The following OPRPN variants were observed in gnomAD, a reference collection of about 807,000 sequenced individuals.
OPRPN encodes the protein opiorphin prepropeptide, also known as basic proline-rich lacrimal protein.
OPRPN carries 1 observed loss-of-function variant against 2.2 expected under a neutral mutation model. That is an observed-to-expected ratio of 0.45 (90% CI 0.16 to 2.15). The LOEUF is 2.15. OPRPN is among the 30% of genes most tolerant of loss of function. OPRPN has a pLI of 0.28. For missense variants in OPRPN, 306 were observed against 297.3 expected (o/e 1.03, Z -0.21); for synonymous variants, 126 against 111.5 (o/e 1.13, Z -0.82).
At chr4:70,399,711 A>C (rs114703529) in intron 2 of OPRPN, 3,565 of 158,242 alleles carry the variant, frequency 0.023, 46 homozygotes, top group Non-Finnish European at 0.03. Context: ...GAAAGCATAC[A>C]GTTGGAGCTT....
At position 70,409,950 on chromosome 4, in the gene OPRPN, C is replaced by G. The variant is rs771601540; in HGVS notation, c.622C>G (p.Leu208Val). 1 of 1,614,052 alleles carries G rather than the reference C, an allele frequency of 6.2e-7. No homozygotes were observed. Among genetic ancestry groups the G allele is most frequent in the Non-Finnish European group, 8.5e-7 (1 of 1,179,918 alleles). The change falls in exon 3 of 3, where the codon CTC (leucine) becomes GTC (valine). Residue 208 changes from leucine to valine, a missense_variant. Coordinates refer to ENST00000399575, the MANE Select transcript of OPRPN (RefSeq NM_021225.5). ...AASTENTTQI[L>V]ANRPHTVLLN... The stretch of plus-strand genomic sequence containing the variant: ...ATCTACTGAAAATACTACTCAAATT[C>G]TCGCCAACCGTCCTCACACAGTATT...
At chr4:70,406,830 A>T (rs6827846) in intron 2 of OPRPN, among the ~76,000 whole-genome samples, 2 of 152,028 alleles carry the variant, frequency 1.3e-5, no homozygotes, top group Non-Finnish European at 2.9e-5. Context: ...AGTTTGCTGC[A>T]CCAGTTCTAA....
chr4:70,405,456 GT>G (rs1300165103), intron 2 of OPRPN, among the ~76,000 whole-genome samples: 1 of 152,058 alleles, frequency 6.6e-6, no homozygotes, highest in Non-Finnish European at 1.5e-5. Flanking sequence ...TACCATCTGG[GT>G]TTCCTCCTGT....
chr4:70,405,061 C>T (rs1272019028), intron 2 of OPRPN, among the ~76,000 whole-genome samples: 7 of 152,198 alleles, frequency 4.6e-5, no homozygotes, highest in Admixed American at 3.3e-4. Flanking sequence ...TTAATCTCTC[C>T]AGAAATCCAG....
intron 1 of OPRPN, 26 bp from the exon 2 acceptor site, chr4:70,399,245 G>A (rs1347050340): frequency 2.6e-6 from 4 of 1,537,814 alleles, no homozygotes; most frequent in Middle Eastern, 1.8e-4. Context: ...TTGGCTAACT[G>A]TGGATAATCT....
rs371748942 is a variant in OPRPN, at chr4:70,401,557, TATTTGGG to T, written c.51+2224_51+2230del. On this transcript the variant is annotated intron_variant, in intron 2 of 2. Coordinates refer to ENST00000399575, the MANE Select transcript of OPRPN (RefSeq NM_021225.5). ...TCAAACCTCACAAAAACCCAGGAAC[TATTTGGG>T]ATGCTCCTTTACATAGCACAGAGCT... Among the ~76,000 whole-genome samples, 520 of 152,214 alleles carry T rather than the reference TATTTGGG, an allele frequency of 3.4e-3. 5 individuals are homozygous for T. Among genetic ancestry groups the T allele is most frequent in the African/African-American group, 0.012 (490 of 41,556 alleles).
chr4:70,404,329 TCTC>T (rs1306073972), intron 2 of OPRPN, among the ~76,000 whole-genome samples: 1 of 152,086 alleles, frequency 6.6e-6, no homozygotes, highest in African/African-American at 2.4e-5. Context: ...TCCAGACACA[TCTC>T]CTCTTCCTGA....
chr4:70,401,557 T>C (rs752780192), intron 2 of OPRPN, among the ~76,000 whole-genome samples: 1 of 152,098 alleles, frequency 6.6e-6, no homozygotes, highest in Non-Finnish European at 1.5e-5. Flanking sequence ...ACCCAGGAAC[T>C]ATTTGGGATG....
intron 2 of OPRPN, among the ~76,000 whole-genome samples, chr4:70,406,242 C>T (rs906979758): frequency 6.6e-6 from 1 of 152,144 alleles, no homozygotes; most frequent in Non-Finnish European, 1.5e-5. Flanking sequence ...TAACTTACTT[C>T]GAATTCCTCA....
Position 70,409,803 on chromosome 4 carries a change from A to C in OPRPN, c.475A>C (p.Thr159Pro), listed in dbSNP as rs1733182339. 3 of 1,612,726 alleles carry C rather than the reference A, an allele frequency of 1.9e-6. No homozygotes were observed. In the South Asian group the frequency reaches 3.3e-5, roughly 18 times the overall value. ...ADTTITTNPP[T>P]TATATTSTST... ...TACAACAATCACCACAAATCCCCCCACCACTGCAACAGCAACCACCAGCAC... is the reference window on the plus strand; with the variant it reads ...TACAACAATCACCACAAATCCCCCCCCCACTGCAACAGCAACCACCAGCAC... Residue 159 changes from threonine (T) to proline (P), a missense_variant, in exon 3 of 3, where the codon ACC becomes CCC. Physicochemically the swap from Thr to Pro is conservative, Grantham distance 38. Coordinates refer to ENST00000399575, the MANE Select transcript of OPRPN (RefSeq NM_021225.5).
chr4:70,400,472 T>C (rs1010475474), intron 2 of OPRPN, among the ~76,000 whole-genome samples: 1 of 151,964 alleles, frequency 6.6e-6, no homozygotes, highest in Non-Finnish European at 1.5e-5. Flanking sequence ...ATTATTATAC[T>C]CCATGAGATA....
Position 70,410,031 on chromosome 4 carries a change from G to C in OPRPN, c.703G>C (p.Ala235Pro), listed in dbSNP as rs960461027. The C allele has an allele frequency of 3.8e-6, 6 of 1,567,664 alleles. No individual in the cohort carries two copies. In the African/African-American group the frequency reaches 6.9e-5, roughly 18 times the overall value. Residue 235 changes from alanine to proline, a missense_variant, in exon 3 of 3, where the codon GCC becomes CCC. By Grantham distance (27) the Ala-to-Pro change is conservative. Transcript: ENST00000399575. ...CAACCAAACTATATTAAGCAGCCCA[G>C]CCTTTAAAAGTTTTTGGCAAAAACT... ...TSNQTILSSP[A>P]FKSFWQKLFA... is the part of the protein sequence containing the mutation.
chr4:70,401,394 C>A (rs570724249), intron 2 of OPRPN, among the ~76,000 whole-genome samples: 1 of 151,964 alleles, frequency 6.6e-6, no homozygotes, highest in Non-Finnish European at 1.5e-5. Flanking sequence ...AATAAAGAAA[C>A]TTTATTGTAC....
In OPRPN at chr4:70,401,846, C is replaced by T. The variant is rs147419692; in HGVS notation, c.51+2510C>T. ...AGTAACGACAGCATTTTTGCCAATACCTGCCATCCCTAACTTAGAGAAGAC... is the reference window on the plus strand; with the variant it reads ...AGTAACGACAGCATTTTTGCCAATATCTGCCATCCCTAACTTAGAGAAGAC... On this transcript the variant is annotated intron_variant, in intron 2 of 2. Transcript: ENST00000399575. Among the ~76,000 whole-genome samples the T allele has an allele frequency of 5.2e-3, 795 of 152,160 alleles. 9 individuals carry two copies. Among genetic ancestry groups the T allele is most frequent in the African/African-American group, 0.019 (773 of 41,522 alleles).
intron 2 of OPRPN, among the ~76,000 whole-genome samples, chr4:70,404,884 A>T (rs1733054399): frequency 6.6e-6 from 1 of 152,180 alleles, no homozygotes; most frequent in Admixed American, 6.5e-5. Flanking sequence ...CCCTCATGGA[A>T]CTCACACATT....
chr4:70,408,088 T>C (rs1733131835), intron 2 of OPRPN, among the ~76,000 whole-genome samples: 1 of 152,210 alleles, frequency 6.6e-6, no homozygotes, highest in African/African-American at 2.4e-5. Flanking sequence ...CTAGTGTTGC[T>C]ACCATTAGAG....
Position 70,410,092 on chromosome 4 carries a change from A to C in OPRPN, c.*17A>C. On this transcript the variant is annotated 3_prime_UTR_variant, in exon 3 of 3. Transcript: ENST00000399575. ...TTTGGTTGAACATGCAATAAATGAT[A>C]TTTTCCAAACTGCTCTGATATCTTA... The C allele has an allele frequency of 3.3e-6, 5 of 1,508,608 alleles. No individual in the cohort carries two copies. The highest frequency in any genetic ancestry group is 4.5e-6 in the Non-Finnish European group (5 of 1,121,300). The allele number at this position is 1,508,608 out of a possible 1,614,324, so 93.5% of individuals were successfully genotyped here. A position where few individuals can be genotyped will look rare whatever the true frequency, so the allele number is the denominator to read the frequency against.
intron 2 of OPRPN, among the ~76,000 whole-genome samples, chr4:70,405,282 A>G (rs1016565720): frequency 3.3e-5 from 5 of 152,164 alleles, no homozygotes; most frequent in African/African-American, 1.2e-4. Context: ...CTAGTGAAAA[A>G]TTGTATTAAG....
At position 70,401,206 on chromosome 4, in the gene OPRPN, TA is replaced by T. The variant is rs559542460; in HGVS notation, c.51+1877del. ...ATAAGAAGCAGAGGATTCCATGTCC[TA>T]AAAAAACATGAGTTTAATACATAAA... On this transcript the variant is annotated intron_variant, in intron 2 of 2. Transcript: ENST00000399575. Among the ~76,000 whole-genome samples the T allele has an allele frequency of 5.2e-3, 798 of 152,130 alleles. 7 individuals are homozygous for T. Among genetic ancestry groups the T allele is most frequent in the Admixed American group, 9.2e-3 (140 of 15,236 alleles).
Sources: allele counts gnomAD v4.1 joint callset (sites outside exome capture counted in the v4.1 genomes callset), GRCh38; gene constraint gnomAD v4.1.1; transcripts MANE v1.5; gene names NCBI Gene and HGNC (gene_info 2026-07-23, HGNC 2026-07-21).